Variants in ZRANB3 observed in about 807,000 individuals in gnomAD.
ZRANB3 encodes the protein zinc finger RANBP2-type containing 3, also known as DNA annealing helicase and endonuclease ZRANB3.
In ZRANB3, 125 loss-of-function variants were observed where a neutral mutation model predicts 133.8. The ratio of observed to expected loss-of-function variants is 0.93; its 90% CI spans 0.81 to 1.08. The LOEUF is 1.08. ZRANB3 is among the 50% of genes least tolerant of loss of function. The probability of loss-of-function intolerance (pLI) is 0.00; values close to 1 mark genes in which losing one functional copy is unlikely to be tolerated. For synonymous variants in ZRANB3, 387 were observed against 432.7 expected (o/e 0.89, Z 1.31); for missense variants, 1,229 against 1,275.5 (o/e 0.96, Z 0.56).
intron 1 of ZRANB3, among the ~76,000 whole-genome samples, chr2:135,518,939 G>A (rs886864183): frequency 1.1e-4 from 16 of 152,276 alleles, no homozygotes; most frequent in Non-Finnish European, 1.3e-4. Flanking sequence ...TAGGGTTCAG[G>A]AGGGAGAATT....
chr2:135,520,413 C>CTT (rs75698016), intron 1 of ZRANB3, among the ~76,000 whole-genome samples: 6 of 133,910 alleles, frequency 4.5e-5, no homozygotes, highest in African/African-American at 5.5e-5. Context: ...AAAAGGATTT[C>CTT]TTTTTTTTTT....
intron 2 of ZRANB3, among the ~76,000 whole-genome samples, chr2:135,450,947 G>A (rs190540029): frequency 4.6e-5 from 7 of 152,306 alleles, no homozygotes; most frequent in Admixed American, 3.9e-4. Context: ...GCATGCCAGT[G>A]AGCAAACTAC....
intron 12 of ZRANB3, among the ~76,000 whole-genome samples, chr2:135,233,958 G>A (rs1573725777): frequency 6.6e-6 from 1 of 152,286 alleles, no homozygotes; most frequent in African/African-American, 2.4e-5. Context: ...AACCTTAAAT[G>A]TAAATGGGCT....
chr2:135,478,978 A>G (rs948261360), intron 2 of ZRANB3, among the ~76,000 whole-genome samples: 3 of 151,842 alleles, frequency 2.0e-5, no homozygotes, highest in African/African-American at 7.3e-5. Flanking sequence ...ACCTACAGGA[A>G]GGATTACTAG....
At chr2:135,511,408 C>T in intron 1 of ZRANB3, 1 of 811,910 alleles carries the variant, frequency 1.2e-6, no homozygotes, top group South Asian at 1.3e-5. Flanking sequence ...TCATTACTGA[C>T]AACTGCCTGA....
At chr2:135,453,743 G>C (rs1357451933) in intron 2 of ZRANB3, among the ~76,000 whole-genome samples, 2 of 152,146 alleles carry the variant, frequency 1.3e-5, no homozygotes. Flanking sequence ...TTTTGTCACA[G>C]CCATTCAACA....
chr2:135,224,574 C>T lies in ZRANB3; in HGVS notation c.2159-57G>A, dbSNP rs765852657. On this transcript the variant is annotated intron_variant, in intron 14 of 20. Transcript: ENST00000264159. ...CTTATCTACCCTCTATCTAAAATAG[C>T]TTATTTTAATCGTGTGTAGGTTAGA... The T allele has an allele frequency of 1.2e-5, 15 of 1,278,416 alleles. No homozygotes were observed. In the Middle Eastern group the frequency reaches 9.4e-4, roughly 80 times the overall value. The allele number at this position is 1,278,416 out of a possible 1,614,324, so 79.2% of individuals were successfully genotyped here. A position where few individuals can be genotyped will look rare whatever the true frequency, so the allele number is the denominator to read the frequency against.
At chr2:135,509,094 A>C (rs1574227126) in intron 1 of ZRANB3, among the ~76,000 whole-genome samples, 1 of 152,260 alleles carries the variant, frequency 6.6e-6, no homozygotes, top group Admixed American at 6.5e-5. Flanking sequence ...CATTTCCAAG[A>C]AACACCCACT....
chr2:135,251,975 C>T (rs906693479), intron 12 of ZRANB3, among the ~76,000 whole-genome samples: 1 of 152,218 alleles, frequency 6.6e-6, no homozygotes, highest in Non-Finnish European at 1.5e-5. Context: ...GCGGAGGCTG[C>T]ATTGAGCCTG....
At chr2:135,304,539 A>G (rs1368303448) in intron 8 of ZRANB3, among the ~76,000 whole-genome samples, 1 of 152,180 alleles carries the variant, frequency 6.6e-6, no homozygotes, top group Non-Finnish European at 1.5e-5. Flanking sequence ...TGGTTTTGGT[A>G]ACAGAGTAAT....
At chr2:135,395,861 A>C (rs1687465836) in intron 2 of ZRANB3, among the ~76,000 whole-genome samples, 1 of 152,182 alleles carries the variant, frequency 6.6e-6, no homozygotes, top group African/African-American at 2.4e-5. Context: ...AAAAGGAAAC[A>C]ATCCACAAAG....
At chr2:135,211,285 A>C (rs1694087602) in intron 17 of ZRANB3, among the ~76,000 whole-genome samples, 1 of 152,146 alleles carries the variant, frequency 6.6e-6, no homozygotes, top group Non-Finnish European at 1.5e-5. Context: ...TCATGCATGT[A>C]ATCCCGGCAC....
intron 2 of ZRANB3, among the ~76,000 whole-genome samples, chr2:135,493,711 G>A (rs1176557579): frequency 1.3e-5 from 2 of 152,080 alleles, no homozygotes; most frequent in Non-Finnish European, 2.9e-5. Context: ...CTCATATATT[G>A]TTGACAGATG....
At chr2:135,506,314 C>G (rs562946107) in intron 1 of ZRANB3, among the ~76,000 whole-genome samples, 16 of 152,168 alleles carry the variant, frequency 1.1e-4, no homozygotes, top group African/African-American at 3.4e-4. Context: ...CACTTGAATT[C>G]AGGAGGAGGA....
intron 12 of ZRANB3, among the ~76,000 whole-genome samples, chr2:135,253,973 A>C (rs1232257252): frequency 1.3e-5 from 2 of 152,178 alleles, no homozygotes; most frequent in African/African-American, 4.8e-5. Context: ...ATGACACTAC[A>C]TACTTCCAGA....
intron 2 of ZRANB3, among the ~76,000 whole-genome samples, chr2:135,481,453 G>C (rs1325751278): frequency 6.6e-6 from 1 of 152,118 alleles, no homozygotes; most frequent in African/African-American, 2.4e-5. Context: ...CCCACTTTTT[G>C]ATGGGGCTGT....
chr2:135,339,336 G>A (rs1453178798), intron 6 of ZRANB3, among the ~76,000 whole-genome samples: 1 of 151,596 alleles, frequency 6.6e-6, no homozygotes, highest in Admixed American at 6.6e-5. Context: ...GCTTGAACCC[G>A]GGAGGCAGAG....
intron 2 of ZRANB3, among the ~76,000 whole-genome samples, chr2:135,490,523 A>G (rs533251660): frequency 6.6e-6 from 1 of 152,312 alleles, no homozygotes; most frequent in African/African-American, 2.4e-5. Flanking sequence ...GTAGAGAAAG[A>G]GGAATCCTTG....
At chr2:135,291,440 C>A (rs1234992993) in intron 8 of ZRANB3, among the ~76,000 whole-genome samples, 1 of 152,120 alleles carries the variant, frequency 6.6e-6, no homozygotes, top group Non-Finnish European at 1.5e-5. Flanking sequence ...CCCTCGGCCT[C>A]CCAAAGTGCT....
Sources: gnomAD v4.1 joint callset for allele counts (sites outside exome capture counted in the v4.1 genomes callset) on GRCh38, gnomAD v4.1.1 for gene constraint, MANE v1.5 for transcripts, NCBI Gene and HGNC (gene_info 2026-07-23, HGNC 2026-07-21) for gene names.